LRRTM4: variants seen among roughly 807,000 people sequenced by gnomAD.
The protein encoded by LRRTM4 is leucine rich repeat transmembrane neuronal 4, also known as leucine-rich repeat transmembrane neuronal protein 4.
In LRRTM4, 25 loss-of-function variants were observed where a neutral mutation model predicts 47.6. The observed-to-expected ratio is 0.53, with a 90% CI of 0.38 to 0.73. LRRTM4 has a LOEUF of 0.73. LRRTM4 is among the 30% of genes least tolerant of loss of function. LRRTM4 has a pLI of 0.00. For missense variants in LRRTM4, 638 were observed against 713.4 expected (o/e 0.89, Z 1.20); for synonymous variants, 311 against 269.5 (o/e 1.15, Z -1.51).
At chr2:77,167,592 C>T (rs1027800985) in intron 3 of LRRTM4, among the ~76,000 whole-genome samples, 2 of 152,118 alleles carry the variant, frequency 1.3e-5, no homozygotes, top group Non-Finnish European at 2.9e-5. Flanking sequence ...GAAAATGTGG[C>T]ATATATACAC....
At chr2:76,830,940 G>T (rs571611030) in intron 3 of LRRTM4, among the ~76,000 whole-genome samples, 3 of 151,974 alleles carry the variant, frequency 2.0e-5, no homozygotes, top group African/African-American at 7.2e-5. Context: ...TTCAAATTAT[G>T]GTCATTTTTC....
chr2:76,807,386 ATATATATATATATGTATATACG>A lies in LRRTM4; in HGVS notation c.1552-58492_1552-58471del, dbSNP rs1480952357. Among the ~76,000 whole-genome samples the A allele has an allele frequency of 3.0e-4, 38 of 126,462 alleles. 1 individual carries two copies. The highest frequency in any genetic ancestry group is 1.2e-3 in the East Asian group (5 of 4,150). The allele number at this position is 126,462 out of a possible 152,430, so 83.0% of individuals were successfully genotyped here. Reference sequence around the variant, plus strand: ...TATGCATTATAAACATTCATTTTATATATATATATATATGTATATACGTATATATATATATATACATATATAT... The same window carrying A: ...TATGCATTATAAACATTCATTTTATATATATATATATATATACATATATAT... On this transcript the variant is annotated intron_variant, in intron 3 of 3. Coordinates refer to ENST00000409884, the MANE Select transcript of LRRTM4 (RefSeq NM_001134745.3).
chr2:76,935,587 C>G (rs1162870184), intron 3 of LRRTM4, among the ~76,000 whole-genome samples: 1 of 151,970 alleles, frequency 6.6e-6, no homozygotes, highest in Non-Finnish European at 1.5e-5. Flanking sequence ...AGTTGTATTC[C>G]TAGGTATTTT....
At position 76,748,099 on chromosome 2, in the gene LRRTM4, T is replaced by C. The variant is rs1193279857; in HGVS notation, c.*596A>G. 6.6e-6 allele frequency: 1 copy of C among 152,496 alleles called. No homozygotes were observed. Among genetic ancestry groups the C allele is most frequent in the Non-Finnish European group, 1.5e-5 (1 of 68,302 alleles). The allele number at this position is 152,496 out of a possible 1,614,324, so 9.4% of individuals were successfully genotyped here. Reference sequence around the variant, plus strand: ...GGTCAACTTTCTCCGTGGTCCGTGGTAAAGCACATTTTCTTTTGGTACAAC... The same window carrying C: ...GGTCAACTTTCTCCGTGGTCCGTGGCAAAGCACATTTTCTTTTGGTACAAC... On this transcript the variant is annotated 3_prime_UTR_variant, in exon 4 of 4. Coordinates refer to ENST00000409884, the MANE Select transcript of LRRTM4 (RefSeq NM_001134745.3).
At chr2:76,875,954 G>T (rs1672765688) in intron 3 of LRRTM4, among the ~76,000 whole-genome samples, 1 of 152,120 alleles carries the variant, frequency 6.6e-6, no homozygotes, top group Non-Finnish European at 1.5e-5. Context: ...CTGAGAGAGA[G>T]CATTTACTGA....
At chr2:77,363,821 G>A (rs1672331656) in intron 3 of LRRTM4, among the ~76,000 whole-genome samples, 1 of 152,082 alleles carries the variant, frequency 6.6e-6, no homozygotes, top group Non-Finnish European at 1.5e-5. Flanking sequence ...GTAGGTATTA[G>A]GAGGAGTGCT....
Position 77,521,721 on chromosome 2 carries a change from T to G in LRRTM4, c.-50A>C. Reference sequence around the variant, plus strand: ...CCCCTCTCTCAGCTTTCTTCTTATTTGGTCTCTTGTGCGGAAACCACCACC... The same window carrying G: ...CCCCTCTCTCAGCTTTCTTCTTATTGGGTCTCTTGTGCGGAAACCACCACC... On this transcript the variant is annotated 5_prime_UTR_variant, in exon 2 of 4. Coordinates refer to ENST00000409884, the MANE Select transcript of LRRTM4 (RefSeq NM_001134745.3). 1.9e-6 allele frequency: 3 copies of G among 1,610,440 alleles called. No homozygotes were observed. The highest frequency in any genetic ancestry group is 2.5e-6 in the Non-Finnish European group (3 of 1,177,808).
intron 3 of LRRTM4, among the ~76,000 whole-genome samples, chr2:76,876,888 G>A (rs1040242639): frequency 1.3e-5 from 2 of 152,018 alleles, no homozygotes; most frequent in Admixed American, 6.6e-5. Context: ...CAATCAAAAG[G>A]AGATGATGAT....
intron 3 of LRRTM4, among the ~76,000 whole-genome samples, chr2:76,885,484 A>T (rs1296618324): frequency 2.2e-5 from 3 of 136,750 alleles, no homozygotes; most frequent in African/African-American, 8.6e-5. Flanking sequence ...TTTTTTTGAG[A>T]CGAAGTCTCG....
At chr2:77,048,398 C>CAT (rs1353840284) in intron 3 of LRRTM4, among the ~76,000 whole-genome samples, 1 of 151,924 alleles carries the variant, frequency 6.6e-6, no homozygotes, top group Non-Finnish European at 1.5e-5. Context: ...CATGAACTGC[C>CAT]ATCATAGATC....
chr2:77,104,563 CA>C (rs1671041653), intron 3 of LRRTM4, among the ~76,000 whole-genome samples: 1 of 152,102 alleles, frequency 6.6e-6, no homozygotes, highest in Admixed American at 6.6e-5. Context: ...CCACAAACCT[CA>C]AAATATGATC....
chr2:76,772,685 T>C (rs934031976), intron 3 of LRRTM4, among the ~76,000 whole-genome samples: 1 of 152,200 alleles, frequency 6.6e-6, no homozygotes, highest in Non-Finnish European at 1.5e-5. Context: ...TGCCCACTTA[T>C]TCACATTTTT....
chr2:76,844,220 C>T (rs1166327552), intron 3 of LRRTM4, among the ~76,000 whole-genome samples: 2 of 151,310 alleles, frequency 1.3e-5, no homozygotes, highest in African/African-American at 4.9e-5. Context: ...CTGCAGCCTC[C>T]ACCTCTCGGG....
chr2:77,283,366 T>C (rs1033766427), intron 3 of LRRTM4, among the ~76,000 whole-genome samples: 1 of 152,008 alleles, frequency 6.6e-6, no homozygotes, highest in Non-Finnish European at 1.5e-5. Flanking sequence ...AACACTTATA[T>C]ACTGTTGGTT....
Position 76,974,217 on chromosome 2 carries a change from T to C in LRRTM4, c.1552-225301A>G, listed in dbSNP as rs1403181636. 2.5e-5 allele frequency among the ~76,000 whole-genome samples: 3 copies of C among 122,248 alleles called. No individual in the cohort carries two copies. In the Admixed American group the frequency reaches 2.5e-4, roughly 10 times the overall value. The allele number at this position is 122,248 out of a possible 152,430, so 80.2% of individuals were successfully genotyped here. ...ATATACATATATATATATACACATATATATACATACATATATATATATACA... is the reference window on the plus strand; with the variant it reads ...ATATACATATATATATATACACATACATATACATACATATATATATATACA... On this transcript the variant is annotated intron_variant, in intron 3 of 3. Coordinates refer to ENST00000409884, the MANE Select transcript of LRRTM4 (RefSeq NM_001134745.3).
intron 3 of LRRTM4, among the ~76,000 whole-genome samples, chr2:77,468,423 T>C (rs555045767): frequency 5.3e-5 from 8 of 152,188 alleles, no homozygotes; most frequent in Non-Finnish European, 1.2e-4. Context: ...GGCAAAATAA[T>C]CATTGTGTTA....
intron 3 of LRRTM4, among the ~76,000 whole-genome samples, chr2:76,796,773 C>T (rs181530050): frequency 9.2e-5 from 14 of 152,046 alleles, no homozygotes; most frequent in African/African-American, 1.9e-4. Context: ...TCCAAAGGAA[C>T]GCAGTTCCTC....
intron 3 of LRRTM4, among the ~76,000 whole-genome samples, chr2:77,344,565 C>A (rs1671492745): frequency 6.6e-6 from 1 of 151,128 alleles, no homozygotes; most frequent in Admixed American, 6.6e-5. Context: ...AGGTCAATAC[C>A]AAAAGTTTAA....
rs530894210 is a variant in LRRTM4 at position 76,839,259 on chromosome 2, A to C, written c.1552-90343T>G. ...TACAGACATTTTATCCTCAAATGAC[A>C]ATTTCTGAAAGGGAAGCTCTGAAAG... is the stretch of plus-strand genomic sequence containing the variant. On this transcript the variant is annotated intron_variant, in intron 3 of 3. Transcript: ENST00000409884. 2.6e-5 allele frequency among the ~76,000 whole-genome samples: 4 copies of C among 152,250 alleles called. 1 individual carries two copies. The South Asian group carries it at 8.3e-4, about 32-fold the overall frequency.
Sources: gnomAD v4.1 joint callset for allele counts (sites outside exome capture counted in the v4.1 genomes callset) on GRCh38, gnomAD v4.1.1 for gene constraint, MANE v1.5 for transcripts, NCBI Gene and HGNC (gene_info 2026-07-23, HGNC 2026-07-21) for gene names.